Variants in PCDHGA9 observed in about 807,000 individuals in gnomAD.
The protein encoded by PCDHGA9 is protocadherin gamma-A9.
PCDHGA9 carries 37 observed loss-of-function variants against 62.5 expected under a neutral mutation model. The ratio of observed to expected loss-of-function variants is 0.59; its 90% CI spans 0.46 to 0.78. The LOEUF is 0.78. PCDHGA9 is among the 30% of genes least tolerant of loss of function. The pLI is 0.00. For synonymous variants in PCDHGA9, 459 were observed against 484.6 expected (o/e 0.95, Z 0.69); for missense variants, 1,138 against 1,166.2 (o/e 0.98, Z 0.35).
chr5:141,469,511 G>A (rs2099203340), intron 1 of PCDHGA9, among the ~76,000 whole-genome samples: 1 of 152,038 alleles, frequency 6.6e-6, no homozygotes, highest in African/African-American at 2.4e-5. Flanking sequence ...GGAGGTGGAG[G>A]TTGCAGTGAG....
rs1433429634 is a variant in PCDHGA9 at position 141,486,311 on chromosome 5, G to T, written c.2425-8496G>T. 1.2e-6 allele frequency: 2 copies of T among 1,613,956 alleles called. No homozygotes were observed. Among genetic ancestry groups the T allele is most frequent in the African/African-American group, 2.7e-5 (2 of 74,892 alleles). On this transcript the variant is annotated intron_variant, in intron 1 of 3. Transcript: ENST00000573521. The surrounding 1 kb of genome is among the most constrained non-coding windows in gnomAD (Gnocchi z 5.0). The stretch of plus-strand genomic sequence containing the variant: ...TATCAGTGTGCAGGATCCAGACTCA[G>T]GGTCAAACGGAGATGTGAGCCTCCG...
chr5:141,419,794 T>G, intron 1 of PCDHGA9: 1 of 1,614,048 alleles, frequency 6.2e-7, no homozygotes, highest in Non-Finnish European at 8.5e-7. Flanking sequence ...TGCTAGTCGC[T>G]GTAAGAGATG....
At chr5:141,466,754 C>T (rs1045917268) in intron 1 of PCDHGA9, among the ~76,000 whole-genome samples, 1 of 152,138 alleles carries the variant, frequency 6.6e-6, no homozygotes, top group African/African-American at 2.4e-5. Context: ...GATAGGGGCT[C>T]TTTTCAAACT....
intron 1 of PCDHGA9, among the ~76,000 whole-genome samples, chr5:141,436,199 A>G (rs576607542): frequency 7.2e-5 from 11 of 152,282 alleles, no homozygotes; most frequent in East Asian, 5.8e-4. Context: ...AAAGAAAGAC[A>G]TAATAGGAAA....
chr5:141,442,414 ACTT>A (rs1258523193), intron 1 of PCDHGA9: 2 of 152,190 alleles, frequency 1.3e-5, no homozygotes, highest in Non-Finnish European at 2.9e-5. Flanking sequence ...GGCTGAGTGA[ACTT>A]CTTTTTTGAA....
chr5:141,449,718 G>A (rs2098653155), intron 1 of PCDHGA9, among the ~76,000 whole-genome samples: 2 of 150,760 alleles, frequency 1.3e-5, no homozygotes, highest in Admixed American at 6.6e-5. Flanking sequence ...ATTTTTATAT[G>A]ATATGATTTT....
chr5:141,495,921 T>C (rs959070876), intron 2 of PCDHGA9, among the ~76,000 whole-genome samples: 1 of 152,196 alleles, frequency 6.6e-6, no homozygotes, highest in Non-Finnish European at 1.5e-5. Context: ...TCTTTCTTTG[T>C]CTCTGTCTCT....
Position 141,431,432 on chromosome 5 carries a change from AC to A in PCDHGA9, c.2424+26058del. 2 of 1,613,692 alleles carry A rather than the reference AC, an allele frequency of 1.2e-6. No individual in the cohort carries two copies. Among genetic ancestry groups the A allele is most frequent in the Non-Finnish European group, 1.7e-6 (2 of 1,180,026 alleles). On this transcript the variant is annotated intron_variant, in intron 1 of 3. Transcript: ENST00000573521. The surrounding 1 kb of genome is among the most constrained non-coding windows in gnomAD (Gnocchi z 4.8). ...CGGGGGCGACCCGGTGCGCACAGGC[AC>A]CGCGCGCATCCGCGTGATGGTTCTG... is the stretch of plus-strand genomic sequence containing the variant.
At chr5:141,430,713 T>G in intron 1 of PCDHGA9, 1 of 1,481,944 alleles carries the variant, frequency 6.7e-7, no homozygotes, top group Non-Finnish European at 9.0e-7. Context: ...GCTCCTGACT[T>G]CAGTGGTTAA....
chr5:141,446,279 G>A (rs1326701686), intron 1 of PCDHGA9, among the ~76,000 whole-genome samples: 1 of 152,096 alleles, frequency 6.6e-6, no homozygotes, highest in African/African-American at 2.4e-5. Context: ...AAATACAATG[G>A]ATAAATGGGG....
At chr5:141,441,398 G>A (rs1257981333) in intron 1 of PCDHGA9, 1 of 154,848 alleles carries the variant, frequency 6.5e-6, no homozygotes, top group Non-Finnish European at 1.4e-5. Context: ...TATAACATCA[G>A]CATCACTGCC....
At chr5:141,451,018 C>T (rs1307161489) in intron 1 of PCDHGA9, among the ~76,000 whole-genome samples, 7 of 151,264 alleles carry the variant, frequency 4.6e-5, no homozygotes, top group African/African-American at 1.5e-4. Flanking sequence ...TTAGTAGAGA[C>T]GAGGTTTCAC....
rs2099404338 is a variant in PCDHGA9, at chr5:141,477,060, C to T, written c.2425-17747C>T. On this transcript the variant is annotated intron_variant, in intron 1 of 3. Coordinates refer to ENST00000573521, the MANE Select transcript of PCDHGA9 (RefSeq NM_018921.3). This position sits in a 1 kb window ranked among gnomAD's most constrained non-coding sequence, Gnocchi z 4.9. Reference sequence around the variant, plus strand: ...AAGGGTCGGCTGGACTTCGAGGACACCAAACTCCATGAGATTTACATCCAG... The same window carrying T: ...AAGGGTCGGCTGGACTTCGAGGACATCAAACTCCATGAGATTTACATCCAG... 3.7e-6 allele frequency: 6 copies of T among 1,614,256 alleles called. No individual in the cohort carries two copies. The highest frequency in any genetic ancestry group is 5.1e-6 in the Non-Finnish European group (6 of 1,180,046).
At chr5:141,480,414 C>CA (rs10712552) in intron 1 of PCDHGA9, among the ~76,000 whole-genome samples, 44 of 147,474 alleles carry the variant, frequency 3.0e-4, no homozygotes, top group Non-Finnish European at 4.4e-4. Context: ...GACCCTGTCT[C>CA]AAAAAAAAAA....
intron 1 of PCDHGA9, among the ~76,000 whole-genome samples, chr5:141,407,505 T>TTTTTTTTTTTTTTTTTTTTTTTGAG (rs1460306566): frequency 6.6e-6 from 1 of 152,146 alleles, no homozygotes; most frequent in Non-Finnish European, 1.5e-5. Context: ...CTGTTTTTCT[T>TTTTTTTTTTTTTTTTTTTTTTTGAG]AGGCTATGTA....
At position 141,415,039 on chromosome 5, in the gene PCDHGA9, G is replaced by T. The variant is rs761101620; in HGVS notation, c.2424+9663G>T. ...CAAGGCCAGCGAGCCGGGACTCTTC[G>T]CGGTGGGGGAGCACACGGGCGAGGT... On this transcript the variant is annotated intron_variant, in intron 1 of 3. Transcript: ENST00000573521. The T allele has an allele frequency of 3.1e-6, 5 of 1,613,342 alleles. No homozygotes were observed. The highest frequency in any genetic ancestry group is 3.4e-6 in the Non-Finnish European group (4 of 1,179,934).
At chr5:141,439,524 A>T (rs774174912) in intron 1 of PCDHGA9, among the ~76,000 whole-genome samples, 2 of 152,114 alleles carry the variant, frequency 1.3e-5, no homozygotes, top group Admixed American at 6.5e-5. Flanking sequence ...AACTAACTCT[A>T]CAGAACGCTG....
intron 1 of PCDHGA9, chr5:141,421,105 G>A: frequency 1.4e-6 from 1 of 700,910 alleles, no homozygotes; most frequent in Non-Finnish European, 2.3e-6. Context: ...TGGAGACTTA[G>A]AAGTATTTTC....
intron 2 of PCDHGA9, among the ~76,000 whole-genome samples, chr5:141,503,324 C>T (rs1389385473): frequency 7.9e-5 from 12 of 152,014 alleles, no homozygotes; most frequent in South Asian, 2.1e-4. Context: ...TGGAGGGGCG[C>T]GGTGGCTCAC....
Sources: gnomAD v4.1 joint callset for allele counts (sites outside exome capture counted in the v4.1 genomes callset) on GRCh38, gnomAD v4.1.1 for gene constraint, Gnocchi (gnomAD v3.1) non-coding constraint, MANE v1.5 for transcripts, NCBI Gene and HGNC (gene_info 2026-07-23, HGNC 2026-07-21) for gene names.